Variants in AQP9 observed in about 807,000 individuals in gnomAD.
AQP9 encodes aquaporin 9.
A neutral mutation model predicts 23.8 loss-of-function variants in AQP9; 19 were observed. The observed-to-expected ratio is 0.80, with a 90% CI of 0.56 to 1.17. AQP9 has a LOEUF of 1.17. AQP9 is among the 50% of genes most tolerant of loss of function. AQP9 has a pLI of 0.00. For synonymous variants in AQP9, 153 were observed against 131.5 expected (o/e 1.16, Z -1.12); for missense variants, 413 against 362.0 (o/e 1.14, Z -1.14).
chr15:58,166,510 A>G, intron 1 of AQP9, 163 bp from the exon 2 acceptor site: 1 of 852,778 alleles, frequency 1.2e-6, no homozygotes, highest in Non-Finnish European at 1.7e-6. Flanking sequence ...TGGGTCCACC[A>G]TTTTGCTATC....
intron 1 of AQP9, among the ~76,000 whole-genome samples, chr15:58,164,766 A>G (rs1898462168): frequency 6.6e-6 from 1 of 152,204 alleles, no homozygotes; most frequent in Non-Finnish European, 1.5e-5. Flanking sequence ...CTCTGCTGTC[A>G]GAGAAATCAT....
At chr15:58,143,172 G>C (rs769780631) in intron 1 of AQP9, among the ~76,000 whole-genome samples, 2 of 152,152 alleles carry the variant, frequency 1.3e-5, no homozygotes, top group Non-Finnish European at 1.5e-5. Flanking sequence ...GTCCTTCAAG[G>C]ATTGGTACTT....
chr15:58,170,533 T>C (rs1239593607), intron 2 of AQP9, among the ~76,000 whole-genome samples: 4 of 151,988 alleles, frequency 2.6e-5, no homozygotes, highest in Admixed American at 6.6e-5. Flanking sequence ...GCCTCCCAAG[T>C]AGCTGGGACT....
chr15:58,166,535 T>A (rs1358715544), intron 1 of AQP9, 138 bp from the exon 2 acceptor site: 1 of 1,170,124 alleles, frequency 8.5e-7, no homozygotes, highest in Non-Finnish European at 1.2e-6. Context: ...TATAGCTGAA[T>A]CATTATAATT....
intron 1 of AQP9, among the ~76,000 whole-genome samples, chr15:58,144,530 T>C (rs1898006382): frequency 6.6e-6 from 1 of 152,158 alleles, no homozygotes; most frequent in Non-Finnish European, 1.5e-5. Context: ...AGAACATTGT[T>C]TGTTGTTGTT....
At chr15:58,148,698 C>T (rs1595728709) in intron 1 of AQP9, among the ~76,000 whole-genome samples, 1 of 152,280 alleles carries the variant, frequency 6.6e-6, no homozygotes, top group East Asian at 1.9e-4. Flanking sequence ...TCCAGGTCAG[C>T]ATTTGGGATG....
Position 58,184,418 on chromosome 15 carries a change from G to T in AQP9, c.*283G>T. ...TCATCCTCGATGGGAATTCTTGCTA[G>T]GTAAGCACTAATAACTCGGCATCTT... On this transcript the variant is annotated 3_prime_UTR_variant, in exon 6 of 6. Transcript: ENST00000219919. 1 of 318,554 alleles carries T rather than the reference G, an allele frequency of 3.1e-6. No individual in the cohort carries two copies. Among genetic ancestry groups the T allele is most frequent in the Non-Finnish European group, 5.7e-6 (1 of 174,956 alleles). The allele number at this position is 318,554 out of a possible 1,614,324, so 19.7% of individuals were successfully genotyped here.
chr15:58,170,176 T>C (rs550770880), intron 2 of AQP9, among the ~76,000 whole-genome samples: 1 of 152,230 alleles, frequency 6.6e-6, no homozygotes, highest in South Asian at 2.1e-4. Flanking sequence ...GGGTGACCAC[T>C]CATCTCTGCG....
At chr15:58,157,961 T>C (rs1362160718) in intron 1 of AQP9, among the ~76,000 whole-genome samples, 1 of 152,154 alleles carries the variant, frequency 6.6e-6, no homozygotes, top group Non-Finnish European at 1.5e-5. Context: ...TTTTCTGAAC[T>C]AGGGTGACCA....
intron 1 of AQP9, among the ~76,000 whole-genome samples, chr15:58,157,769 CT>C (rs1187360736): frequency 1.1e-4 from 16 of 152,118 alleles, no homozygotes; most frequent in African/African-American, 1.7e-4. Context: ...CGGAAGTTGT[CT>C]GTGCAAGGGG....
At chr15:58,150,790 A>C (rs1898134221) in intron 1 of AQP9, 1 of 152,146 alleles carries the variant, frequency 6.6e-6, no homozygotes, top group Non-Finnish European at 1.5e-5. Context: ...AATTCTTCCT[A>C]GTGGTCACCA....
At chr15:58,170,155 G>A (rs183333548) in intron 2 of AQP9, among the ~76,000 whole-genome samples, 64 of 152,242 alleles carry the variant, frequency 4.2e-4, no homozygotes, top group African/African-American at 1.3e-3. Flanking sequence ...CCTTGTCCTT[G>A]TGATAAGCCA....
At chr15:58,163,475 G>T (rs1380603134) in intron 1 of AQP9, among the ~76,000 whole-genome samples, 1 of 152,262 alleles carries the variant, frequency 6.6e-6, no homozygotes, top group East Asian at 1.9e-4. Context: ...GAACCCAAGA[G>T]ATTGTTTTCT....
At chr15:58,170,550 G>A (rs1015211721) in intron 2 of AQP9, among the ~76,000 whole-genome samples, 7 of 151,826 alleles carry the variant, frequency 4.6e-5, no homozygotes, top group Non-Finnish European at 1.0e-4. Context: ...GACTACAGGC[G>A]TATGCCACTA....
At chr15:58,153,100 AGC>A (rs1898181445) in intron 1 of AQP9, 1 of 152,200 alleles carries the variant, frequency 6.6e-6, no homozygotes, top group Non-Finnish European at 1.5e-5. Flanking sequence ...CTAATACAGC[AGC>A]CCTCCAAATG....
intron 4 of AQP9, among the ~76,000 whole-genome samples, chr15:58,177,863 TTTTG>T (rs1898792869): frequency 6.6e-6 from 1 of 152,214 alleles, no homozygotes; most frequent in South Asian, 2.1e-4. Context: ...CTATTATCAT[TTTTG>T]TTTATTGTCT....
intron 1 of AQP9, among the ~76,000 whole-genome samples, chr15:58,160,905 G>A (rs1898365953): frequency 6.6e-6 from 1 of 152,166 alleles, no homozygotes; most frequent in Non-Finnish European, 1.5e-5. Flanking sequence ...AGATGTGCAG[G>A]GATGAAAATA....
chr15:58,169,428 C>T (rs901741065), intron 2 of AQP9, among the ~76,000 whole-genome samples: 7 of 152,208 alleles, frequency 4.6e-5, no homozygotes, highest in African/African-American at 1.7e-4. Context: ...GCACAACACA[C>T]TGGCCCATCA....
At position 58,148,489 on chromosome 15, in the gene AQP9, G is replaced by A. The variant is rs369367279; in HGVS notation, c.111+9813G>A. Among the ~76,000 whole-genome samples the A allele has an allele frequency of 3.9e-5, 6 of 152,276 alleles. No homozygotes were observed. In the South Asian group the frequency reaches 1.2e-3, roughly 32 times the overall value. On this transcript the variant is annotated intron_variant, in intron 1 of 5. Coordinates refer to ENST00000219919, the MANE Select transcript of AQP9 (RefSeq NM_020980.5). ...AGTCCTCAGAACTCCTCCATATGCAGAGATCTCCCAGGTTGAGAGTGACAA... is the reference window on the plus strand; with the variant it reads ...AGTCCTCAGAACTCCTCCATATGCAAAGATCTCCCAGGTTGAGAGTGACAA...
Sources: allele counts gnomAD v4.1 joint callset (sites outside exome capture counted in the v4.1 genomes callset), GRCh38; gene constraint gnomAD v4.1.1; transcripts MANE v1.5; gene names NCBI Gene and HGNC (gene_info 2026-07-23, HGNC 2026-07-21).